Variants in LRFN5 observed in about 807,000 individuals in gnomAD.
The protein encoded by LRFN5 is leucine-rich repeat and fibronectin type-III domain-containing protein 5.
Under a neutral mutation model 45.6 loss-of-function variants are expected in LRFN5, and 24 were observed. The ratio of observed to expected loss-of-function variants is 0.53; its 90% CI spans 0.38 to 0.74. LRFN5 has a LOEUF of 0.74. Among genes scored for constraint, LRFN5 ranks in the 30% least tolerant of loss-of-function variants. The probability of loss-of-function intolerance (pLI) is 0.00; values close to 1 mark genes in which losing one functional copy is unlikely to be tolerated. For synonymous variants in LRFN5, 340 were observed against 313.8 expected, an observed-to-expected ratio of 1.08 and a Z score of -0.88; for missense variants, 776 against 861.5, an observed-to-expected ratio of 0.90 and a Z score of 1.24.
At chr14:41,654,725 T>A (rs1880295430) in intron 1 of LRFN5, among the ~76,000 whole-genome samples, 1 of 152,096 alleles carries the variant, frequency 6.6e-6, no homozygotes, top group South Asian at 2.1e-4. Flanking sequence ...AAAATGTAGA[T>A]CTTTGGTGTT....
At position 41,865,883 on chromosome 14, in the gene LRFN5, C is replaced by A. The variant is rs116349172; in HGVS notation, c.-20-20723C>A. On this transcript the variant is annotated intron_variant, in intron 2 of 5. Transcript: ENST00000298119. ...TTTTGAGAAATGTCTATTGAAAATTCTTTGCCCAATTATAATCTGTTGGTC... is the reference window on the plus strand; with the variant it reads ...TTTTGAGAAATGTCTATTGAAAATTATTTGCCCAATTATAATCTGTTGGTC... Among the ~76,000 whole-genome samples the A allele has an allele frequency of 4.2e-3, 634 of 152,124 alleles. 7 individuals are homozygous for A. Among genetic ancestry groups the A allele is most frequent in the African/African-American group, 0.015 (612 of 41,546 alleles).
At chr14:41,819,828 C>T (rs1415703996) in intron 2 of LRFN5, among the ~76,000 whole-genome samples, 7 of 152,096 alleles carry the variant, frequency 4.6e-5, no homozygotes, top group Non-Finnish European at 8.8e-5. Flanking sequence ...TTAGGAATTA[C>T]AATTCTACAT....
chr14:41,800,220 A>G (rs946119062), intron 2 of LRFN5, among the ~76,000 whole-genome samples: 4 of 152,002 alleles, frequency 2.6e-5, no homozygotes, highest in African/African-American at 4.8e-5. Flanking sequence ...TAATTGGAGG[A>G]TTTTAAATGG....
intron 2 of LRFN5, among the ~76,000 whole-genome samples, chr14:41,846,208 T>TACAC (rs1177573546): frequency 3.6e-5 from 3 of 82,386 alleles, no homozygotes; most frequent in Non-Finnish European, 4.7e-5. Flanking sequence ...TGTATATGTT[T>TACAC]ACACAGACAC....
intron 2 of LRFN5, among the ~76,000 whole-genome samples, chr14:41,866,563 C>T (rs1282938854): frequency 1.3e-5 from 2 of 152,108 alleles, no homozygotes; most frequent in Non-Finnish European, 2.9e-5. Context: ...TGTAAACTCC[C>T]TCGAACCTGG....
intron 1 of LRFN5, among the ~76,000 whole-genome samples, chr14:41,716,198 A>G (rs1234245125): frequency 6.6e-6 from 1 of 152,146 alleles, no homozygotes; most frequent in African/African-American, 2.4e-5. Flanking sequence ...GGCCTGTGAT[A>G]GGAGGGACTG....
intron 1 of LRFN5, among the ~76,000 whole-genome samples, chr14:41,662,000 A>G (rs748110887): frequency 2.6e-5 from 4 of 152,022 alleles, no homozygotes; most frequent in Non-Finnish European, 5.9e-5. Flanking sequence ...TATCCCATGA[A>G]TGACATTGAC....
In LRFN5 at chr14:41,723,585, G is replaced by A. The variant is rs575991570; in HGVS notation, c.-196-43269G>A. ...GGCACCCTGCTGCACCAGGATCTCTGGGGAGCAGGCTAGGGCATCCAGCAA... is the reference window on the plus strand; with the variant it reads ...GGCACCCTGCTGCACCAGGATCTCTAGGGAGCAGGCTAGGGCATCCAGCAA... On this transcript the variant is annotated intron_variant, in intron 1 of 5. Transcript: ENST00000298119. Among the ~76,000 whole-genome samples, 5 of 152,206 alleles carry A rather than the reference G, an allele frequency of 3.3e-5. No homozygotes were observed. In the South Asian group the frequency reaches 1.0e-3, roughly 32 times the overall value.
chr14:41,845,230 C>T (rs1889019603), intron 2 of LRFN5, among the ~76,000 whole-genome samples: 1 of 151,964 alleles, frequency 6.6e-6, no homozygotes, highest in African/African-American at 2.4e-5. Flanking sequence ...TTTTGAAATA[C>T]TATTTAAAGG....
At chr14:41,723,917 C>T (rs1214867922) in intron 1 of LRFN5, among the ~76,000 whole-genome samples, 4 of 152,088 alleles carry the variant, frequency 2.6e-5, no homozygotes, top group African/African-American at 9.7e-5. Context: ...TGTTCTTGGT[C>T]CTGGGTCTGG....
chr14:41,674,963 CG>C (rs1402539122), intron 1 of LRFN5, among the ~76,000 whole-genome samples: 7 of 147,720 alleles, frequency 4.7e-5, no homozygotes, highest in Admixed American at 4.0e-4. Flanking sequence ...ACATCCCAGA[CG>C]GGGCGGCAGG....
chr14:41,853,705 AC>A (rs777033252), intron 2 of LRFN5, among the ~76,000 whole-genome samples: 1 of 152,130 alleles, frequency 6.6e-6, no homozygotes, highest in African/African-American at 2.4e-5. Flanking sequence ...GGAAAAAATA[AC>A]ATTATAGGAA....
At chr14:41,620,037 A>C (rs994794217) in intron 1 of LRFN5, among the ~76,000 whole-genome samples, 2 of 152,088 alleles carry the variant, frequency 1.3e-5, no homozygotes. Flanking sequence ...CTCTTTTAAA[A>C]AATACGTCTT....
Position 41,904,349 on chromosome 14 carries a change from G to T in LRFN5, c.*174G>T. Reference sequence around the variant, plus strand: ...GATGACGGCGGAACTGGCTCCATTAGACCATGGTTCATCCTCTTTTAAAAC... The same window carrying T: ...GATGACGGCGGAACTGGCTCCATTATACCATGGTTCATCCTCTTTTAAAAC... On this transcript the variant is annotated 3_prime_UTR_variant, in exon 6 of 6. Coordinates refer to ENST00000298119, the MANE Select transcript of LRFN5 (RefSeq NM_152447.5). The T allele has an allele frequency of 1.5e-6, 1 of 686,332 alleles. No individual in the cohort carries two copies. Among genetic ancestry groups the T allele is most frequent in the Middle Eastern group, 3.4e-4 (1 of 2,930 alleles). 42.5% of individuals were successfully genotyped at this position (686,332 alleles called of 1,614,324 possible).
chr14:41,719,775 CAT>C (rs900186873), intron 1 of LRFN5, among the ~76,000 whole-genome samples: 7 of 149,498 alleles, frequency 4.7e-5, no homozygotes, highest in Non-Finnish European at 1.0e-4. Flanking sequence ...ACTCACTCTC[CAT>C]ATATATATAT....
chr14:41,703,952 C>T (rs1566628531), intron 1 of LRFN5, among the ~76,000 whole-genome samples: 1 of 151,950 alleles, frequency 6.6e-6, no homozygotes, highest in East Asian at 1.9e-4. Flanking sequence ...CTTCAAAATT[C>T]TGTGTCTGAC....
At chr14:41,858,576 T>C (rs943913843) in intron 2 of LRFN5, among the ~76,000 whole-genome samples, 3 of 152,116 alleles carry the variant, frequency 2.0e-5, no homozygotes, top group African/African-American at 7.2e-5. Flanking sequence ...TGGACAATGC[T>C]AAAAACTAAA....
At chr14:41,801,530 T>G (rs1026745118) in intron 2 of LRFN5, among the ~76,000 whole-genome samples, 3 of 152,182 alleles carry the variant, frequency 2.0e-5, no homozygotes, top group African/African-American at 7.2e-5. Context: ...ACAGATAAGT[T>G]ACTCTAGAGT....
chr14:41,708,164 A>T (rs1402085295), intron 1 of LRFN5, among the ~76,000 whole-genome samples: 1 of 152,012 alleles, frequency 6.6e-6, no homozygotes. Flanking sequence ...TTGGGAAGAC[A>T]TTTCTCTTAG....
Sources: allele counts gnomAD v4.1 joint callset (sites outside exome capture counted in the v4.1 genomes callset), GRCh38; gene constraint gnomAD v4.1.1; transcripts MANE v1.5; gene names NCBI Gene and HGNC (gene_info 2026-07-23, HGNC 2026-07-21).